AKT3: variants seen among roughly 807,000 people sequenced by gnomAD.
The protein encoded by AKT3 is RAC-gamma serine/threonine-protein kinase.
A neutral mutation model predicts 65.3 loss-of-function variants in AKT3; 15 were observed. The observed-to-expected ratio is 0.23, with a 90% confidence interval of 0.15 to 0.35. The LOEUF is 0.35. Among genes scored for constraint, AKT3 ranks in the 10% least tolerant of loss-of-function variants. The probability of loss-of-function intolerance (pLI) is 1.00; values close to 1 mark genes in which losing one functional copy is unlikely to be tolerated. For missense variants in AKT3, 243 were observed against 576.5 expected, an observed-to-expected ratio of 0.42 and a Z score of 5.92; for synonymous variants, 206 against 183.8, an observed-to-expected ratio of 1.12 and a Z score of -0.98.
intron 2 of AKT3, chr1:243,793,381 C>T (rs78631843): frequency 0.041 from 6,254 of 152,148 alleles, 201 homozygotes; most frequent in East Asian, 0.11. Flanking sequence ...AGCCACCGTG[C>T]GTAACTCAAA....
At chr1:243,508,659 T>G (rs1198952408) in intron 13 of AKT3, among the ~76,000 whole-genome samples, 1 of 45,398 alleles carries the variant, frequency 2.2e-5, no homozygotes, top group Non-Finnish European at 9.7e-5. Context: ...GCCAGACTTT[T>G]TTTTTTTTTT....
Position 243,641,118 on chromosome 1 carries a change from C to A in AKT3, c.430-3376G>T, listed in dbSNP as rs571849782. 3.3e-5 allele frequency among the ~76,000 whole-genome samples: 5 copies of A among 152,062 alleles called. No individual in the cohort carries two copies. The South Asian group carries it at 1.0e-3, about 32-fold the overall frequency. Reference sequence around the variant, plus strand: ...TTTCTGCTGTGCTGGAGGCTTCCTGCCCTCGAACATCAACTCCAAGTTCTT... The same window carrying A: ...TTTCTGCTGTGCTGGAGGCTTCCTGACCTCGAACATCAACTCCAAGTTCTT... On this transcript the variant is annotated intron_variant, in intron 5 of 13. Coordinates refer to ENST00000673466, the MANE Select transcript of AKT3 (RefSeq NM_005465.7).
chr1:243,772,307 A>C (rs1233558901), intron 2 of AKT3, among the ~76,000 whole-genome samples: 2 of 152,222 alleles, frequency 1.3e-5, no homozygotes, highest in African/African-American at 4.8e-5. Context: ...AAGGGCTAAT[A>C]TCCAGAATCT....
intron 6 of AKT3, among the ~76,000 whole-genome samples, chr1:243,635,385 A>T (rs1028849213): frequency 1.3e-5 from 2 of 151,946 alleles, no homozygotes; most frequent in African/African-American, 2.4e-5. Flanking sequence ...GGAAAAAAAT[A>T]AATTAACCCA....
intron 2 of AKT3, among the ~76,000 whole-genome samples, chr1:243,795,161 A>T (rs1265614016): frequency 6.8e-5 from 10 of 147,920 alleles, no homozygotes; most frequent in Non-Finnish European, 1.2e-4. Flanking sequence ...TTAATGTTGG[A>T]GTCTTCCCCC....
chr1:243,781,828 A>G (rs1391712524), intron 2 of AKT3, among the ~76,000 whole-genome samples: 1 of 152,138 alleles, frequency 6.6e-6, no homozygotes. Flanking sequence ...GATTTATTTA[A>G]TCATTCCTTT....
chr1:243,725,009 C>T (rs925598488), intron 2 of AKT3, among the ~76,000 whole-genome samples: 1 of 151,412 alleles, frequency 6.6e-6, no homozygotes, highest in African/African-American at 2.4e-5. Flanking sequence ...CCAGGACCAG[C>T]CTCGGCAACA....
chr1:243,695,470 T>A, intron 3 of AKT3, 121 bp downstream of exon 3: 1 of 858,904 alleles, frequency 1.2e-6, no homozygotes, highest in South Asian at 2.3e-5. Context: ...AGCTGAAAAT[T>A]TCTCTATTAA....
chr1:243,832,742 T>C (rs1694619132), intron 2 of AKT3, among the ~76,000 whole-genome samples: 2 of 152,250 alleles, frequency 1.3e-5, no homozygotes, highest in East Asian at 1.9e-4. Context: ...GCTGCCAAAA[T>C]AGCTGGAAAG....
chr1:243,687,228 T>C (rs1044587835), intron 3 of AKT3, among the ~76,000 whole-genome samples: 1 of 152,178 alleles, frequency 6.6e-6, no homozygotes, highest in African/African-American at 2.4e-5. Flanking sequence ...AAGTTTACCA[T>C]TCCCTTTGAT....
At chr1:243,523,920 T>C (rs1358697330) in intron 12 of AKT3, among the ~76,000 whole-genome samples, 1 of 149,510 alleles carries the variant, frequency 6.7e-6, no homozygotes, top group Non-Finnish European at 1.5e-5. Context: ...TGTCACTTAA[T>C]GACAGGGGTC....
intron 8 of AKT3, among the ~76,000 whole-genome samples, chr1:243,605,100 C>A (rs1677297012): frequency 6.6e-6 from 1 of 152,212 alleles, no homozygotes; most frequent in African/African-American, 2.4e-5. Context: ...CCATGGCTCA[C>A]TATAACCCTG....
chr1:243,710,859 C>T (rs1418752862), intron 2 of AKT3, among the ~76,000 whole-genome samples: 1 of 152,132 alleles, frequency 6.6e-6, no homozygotes, highest in Admixed American at 6.5e-5. Context: ...TGCTTTAAAC[C>T]TCCATGAGGA....
intron 12 of AKT3, among the ~76,000 whole-genome samples, chr1:243,533,278 T>C (rs1464876143): frequency 1.3e-5 from 2 of 152,178 alleles, no homozygotes; most frequent in Non-Finnish European, 2.9e-5. Flanking sequence ...TCAAAACTGA[T>C]AGAACTATAA....
At chr1:243,494,989 ACTGT>A (rs1403438387), downstream of AKT3, among the ~76,000 whole-genome samples, 1 of 152,258 alleles carries the variant, frequency 6.6e-6, no homozygotes, top group East Asian at 1.9e-4. Flanking sequence ...TGTTGGTGAC[ACTGT>A]CTGTCCTTTG....
intron 8 of AKT3, among the ~76,000 whole-genome samples, chr1:243,601,986 T>C (rs1469112862): frequency 6.6e-6 from 1 of 152,166 alleles, no homozygotes; most frequent in Non-Finnish European, 1.5e-5. Context: ...TTTGACTACC[T>C]TGAAATGGCC....
Position 243,500,344 on chromosome 1 carries a change from C to T in AKT3, c.*4905G>A, listed in dbSNP as rs1225060725. On this transcript the variant is annotated 3_prime_UTR_variant, in exon 14 of 14. Transcript: ENST00000673466. ...AGACACCAGGAAGCACTATGCATTA[C>T]TCTTTCCATTCTGTTAAACAACGAA... 1.8e-5 allele frequency: 4 copies of T among 225,214 alleles called. No homozygotes were observed. In the East Asian group the frequency reaches 2.6e-4, roughly 15 times the overall value. 14.0% of individuals were successfully genotyped at this position (225,214 alleles called of 1,614,324 possible). A position where few individuals can be genotyped will look rare whatever the true frequency, so the allele number is the denominator to read the frequency against.
Position 243,583,191 on chromosome 1 carries a change from T to TAC in AKT3, c.697-10144_697-10143insGT, listed in dbSNP as rs1558632326. Among the ~76,000 whole-genome samples the TAC allele has an allele frequency of 7.1e-3, 506 of 71,202 alleles. 3 individuals are homozygous for TAC. Among genetic ancestry groups the TAC allele is most frequent in the Non-Finnish European group, 0.01 (356 of 34,500 alleles). 46.7% of individuals were successfully genotyped at this position (71,202 alleles called of 152,430 possible). A position where few individuals can be genotyped will look rare whatever the true frequency, so the allele number is the denominator to read the frequency against. ...GTGTGTATATATATATATATATATA[T>TAC]ATATACACACACACACACACACATA... On this transcript the variant is annotated intron_variant, in intron 8 of 13. Coordinates refer to ENST00000673466, the MANE Select transcript of AKT3 (RefSeq NM_005465.7).
intron 8 of AKT3, among the ~76,000 whole-genome samples, chr1:243,593,507 T>C (rs1169303508): frequency 6.6e-6 from 1 of 152,130 alleles, no homozygotes; most frequent in African/African-American, 2.4e-5. Flanking sequence ...GCTAACATAG[T>C]GAAACCCCAA....
Sources: allele counts gnomAD v4.1 joint callset (sites outside exome capture counted in the v4.1 genomes callset), GRCh38; gene constraint gnomAD v4.1.1; transcripts MANE v1.5; gene names NCBI Gene and HGNC (gene_info 2026-07-23, HGNC 2026-07-21).